The following LCA5 variants were observed in gnomAD, a reference collection of about 807,000 sequenced individuals.
LCA5 encodes lebercilin LCA5.
In LCA5, 37 loss-of-function variants were observed where a neutral mutation model predicts 53.0. The observed-to-expected ratio is 0.70, with a 90% CI of 0.54 to 0.92. The LOEUF is 0.92. Ranked by LOEUF, LCA5 falls within the 40% of genes least tolerant of loss-of-function variation. The pLI is 0.00. For missense variants in LCA5, 806 were observed against 790.5 expected (o/e 1.02, Z -0.23); for synonymous variants, 303 against 282.9 (o/e 1.07, Z -0.71).
At position 79,504,709 on chromosome 6, in the gene LCA5, A is replaced by C. The variant is rs141421452; in HGVS notation, c.720+8503T>G. On this transcript the variant is annotated intron_variant, in intron 3 of 7. Coordinates refer to ENST00000369846, the MANE Select transcript of LCA5 (RefSeq NM_001122769.3). ...CAGCTTTAGGCTAAACTTAAATTTA[A>C]CAGTAATAAGGAAAGGGTTCATCAT... Among the ~76,000 whole-genome samples, 177 of 152,310 alleles carry C rather than the reference A, an allele frequency of 1.2e-3. 1 individual carries two copies. The highest frequency in any genetic ancestry group is 3.9e-3 in the African/African-American group (163 of 41,574).
chr6:79,513,540 T>A lies in LCA5; in HGVS notation c.392A>T (p.Lys131Ile). The A allele has an allele frequency of 6.2e-7, 1 of 1,613,968 alleles. No homozygotes were observed. Among genetic ancestry groups the A allele is most frequent in the Non-Finnish European group, 8.5e-7 (1 of 1,179,894 alleles). ...ELQVKLAELLKENKSLKRLQY... is the reference protein window; with the variant it reads ...ELQVKLAELLIENKSLKRLQY... ...AAGCCTTTTCAAAGATTTATTTTCT[T>A]TTAGCAGCTCAGCTAACTTGACCTG... The change falls in exon 3 of 8, where the codon AAA (lysine) becomes ATA (isoleucine). Residue 131 changes from lysine (K) to isoleucine (I), a missense_variant. Lys to Ile is a moderately radical substitution (Grantham distance 102). Transcript: ENST00000369846.
intron 7 of LCA5, 98 bp downstream of exon 7, chr6:79,488,986 C>A (rs1769756300): frequency 7.3e-7 from 1 of 1,362,240 alleles, no homozygotes; most frequent in Non-Finnish European, 1.0e-6. Flanking sequence ...TCTACCTAAG[C>A]AATTCACAGT....
intron 1 of LCA5, among the ~76,000 whole-genome samples, chr6:79,536,026 GA>G (rs1440665697): frequency 6.6e-6 from 1 of 152,090 alleles, no homozygotes; most frequent in Non-Finnish European, 1.5e-5. Flanking sequence ...CACAAAAGAA[GA>G]AAAATCTCTT....
At position 79,487,615 on chromosome 6, in the gene LCA5, A is replaced by G; in HGVS notation, c.1483T>C (p.Phe495Leu). Residue 495 changes from phenylalanine to leucine, a missense_variant, in exon 8 of 8, where the codon TTT (phenylalanine) becomes CTT (leucine). Coordinates refer to ENST00000369846, the MANE Select transcript of LCA5 (RefSeq NM_001122769.3). ...TCTGGGGAGTGTAGTTTTGATTCAA[A>G]ATCAGGTAACAATGGCAAAACAGGG... ...KYPVLPLLPD[F>L]ESKLHSPERS... The G allele has an allele frequency of 1.2e-6, 2 of 1,614,064 alleles. No individual in the cohort carries two copies. Among genetic ancestry groups the G allele is most frequent in the Non-Finnish European group, 8.5e-7 (1 of 1,179,954 alleles).
chr6:79,524,146 A>G (rs994227474), intron 1 of LCA5, among the ~76,000 whole-genome samples: 4 of 152,138 alleles, frequency 2.6e-5, no homozygotes, highest in South Asian at 2.1e-4. Flanking sequence ...TCTTCCTCCT[A>G]AAGACATTTT....
At position 79,513,257 on chromosome 6, in the gene LCA5, T is replaced by C. The variant is rs764283007; in HGVS notation, c.675A>G (p.Leu225=). Reference sequence around the variant, plus strand: ...CATCTAACTTTAACTCTGCTGAAACTAGTTTCTTTGCCAAATCATCTCGTT... The same window carrying C: ...CATCTAACTTTAACTCTGCTGAAACCAGTTTCTTTGCCAAATCATCTCGTT... ...LPERDDLAKK[L]VSAELKLDDT... The change falls in exon 3 of 8, where the codon CTA becomes CTG. Residue 225 remains leucine (L), a synonymous_variant. Coordinates refer to ENST00000369846, the MANE Select transcript of LCA5 (RefSeq NM_001122769.3). The C allele has an allele frequency of 1.4e-5, 23 of 1,613,622 alleles. No homozygotes were observed. Among genetic ancestry groups the C allele is most frequent in the Admixed American group, 5.0e-5 (3 of 59,982 alleles).
chr6:79,503,975 A>G (rs915269574), intron 3 of LCA5, among the ~76,000 whole-genome samples: 16 of 152,240 alleles, frequency 1.1e-4, no homozygotes, highest in Non-Finnish European at 1.9e-4. Context: ...CAATGTTTCT[A>G]TATTAAAGAT....
chr6:79,486,459 A>G lies in LCA5; in HGVS notation c.*545T>C, dbSNP rs1252098376. 1 of 152,520 alleles carries G rather than the reference A, an allele frequency of 6.6e-6. No individual in the cohort carries two copies. Among genetic ancestry groups the G allele is most frequent in the Non-Finnish European group, 1.5e-5 (1 of 68,300 alleles). The allele number at this position is 152,520 out of a possible 1,614,324, so 9.4% of individuals were successfully genotyped here. A position where few individuals can be genotyped will look rare whatever the true frequency, so the allele number is the denominator to read the frequency against. On this transcript the variant is annotated 3_prime_UTR_variant, in exon 8 of 8. Coordinates refer to ENST00000369846, the MANE Select transcript of LCA5 (RefSeq NM_001122769.3). ...GTGGGTACTTTCAGAGGAATGGGAAATCCCAATGTTGTGACTGCTATCACT... is the reference window on the plus strand; with the variant it reads ...GTGGGTACTTTCAGAGGAATGGGAAGTCCCAATGTTGTGACTGCTATCACT...
intron 3 of LCA5, among the ~76,000 whole-genome samples, chr6:79,508,641 C>T (rs1770331723): frequency 6.7e-6 from 1 of 150,318 alleles, no homozygotes; most frequent in Non-Finnish European, 1.5e-5. Context: ...AAAAAAAAAA[C>T]ACCACCACAT....
chr6:79,486,867 A>C lies in LCA5; in HGVS notation c.*137T>G. ...GTGTATGTATGATCTACTTCTTTTTAACTGCATTGTATTTAGCTATTAAAA... is the reference window on the plus strand; with the variant it reads ...GTGTATGTATGATCTACTTCTTTTTCACTGCATTGTATTTAGCTATTAAAA... On this transcript the variant is annotated 3_prime_UTR_variant, in exon 8 of 8. Coordinates refer to ENST00000369846, the MANE Select transcript of LCA5 (RefSeq NM_001122769.3). 1 of 719,374 alleles carries C rather than the reference A, an allele frequency of 1.4e-6. No homozygotes were observed. Among genetic ancestry groups the C allele is most frequent in the Non-Finnish European group, 2.2e-6 (1 of 452,156 alleles). 44.6% of individuals were successfully genotyped at this position (719,374 alleles called of 1,614,324 possible).
intron 3 of LCA5, among the ~76,000 whole-genome samples, chr6:79,499,714 C>CT (rs1267976672): frequency 2.0e-5 from 3 of 148,840 alleles, no homozygotes; most frequent in Non-Finnish European, 4.4e-5. Context: ...TATTATTATA[C>CT]TTTAAGTTTT....
chr6:79,513,581 A>T lies in LCA5; in HGVS notation c.351T>A (p.Asn117Lys). The T allele has an allele frequency of 6.2e-7, 1 of 1,613,936 alleles. No individual in the cohort carries two copies. The highest frequency in any genetic ancestry group is 8.5e-7 in the Non-Finnish European group (1 of 1,179,880). ...ACTTGACCTGGAGTTCAGATACTTC[A>T]TTCTGCAACTCATTGATTTTTAGCA... Reference protein sequence around the residue: ...ARLLKINELQNEVSELQVKLA... With the variant: ...ARLLKINELQKEVSELQVKLA... The change falls in exon 3 of 8, where the codon AAT (asparagine) becomes AAA (lysine). Residue 117 changes from asparagine to lysine, a missense_variant. By Grantham distance (94) the Asn-to-Lys change is moderately conservative. Coordinates refer to ENST00000369846, the MANE Select transcript of LCA5 (RefSeq NM_001122769.3).
chr6:79,520,364 T>TA (rs1766591967), intron 1 of LCA5, among the ~76,000 whole-genome samples: 3 of 152,104 alleles, frequency 2.0e-5, no homozygotes, highest in African/African-American at 7.2e-5. Context: ...ACACATTCAT[T>TA]AAAAAAATAC....
In LCA5 at chr6:79,518,764, G is replaced by T. The variant is rs572731652; in HGVS notation, c.131C>A (p.Ala44Glu). ...TTTAGGATTTTTTCTCCTAACACTT[G>T]CAGGTGAAGAACTGACCAGCGATGA... Reference protein sequence around the residue: ...GRSSLVSSSPASVRRKNPKRQ... With the variant: ...GRSSLVSSSPESVRRKNPKRQ... The change falls in exon 2 of 8, where the codon GCA becomes GAA. Residue 44 changes from alanine (A) to glutamate (E), a missense_variant. Coordinates refer to ENST00000369846, the MANE Select transcript of LCA5 (RefSeq NM_001122769.3). The T allele has an allele frequency of 3.7e-6, 6 of 1,614,090 alleles. No individual in the cohort carries two copies. The highest frequency in any genetic ancestry group is 5.1e-6 in the Non-Finnish European group (6 of 1,179,982).
At chr6:79,515,421 A>G (rs932407876) in intron 2 of LCA5, among the ~76,000 whole-genome samples, 2 of 152,160 alleles carry the variant, frequency 1.3e-5, no homozygotes, top group Non-Finnish European at 2.9e-5. Context: ...CCTAAAAAAT[A>G]TAAGTATATG....
chr6:79,511,381 T>G (rs898669960), intron 3 of LCA5, among the ~76,000 whole-genome samples: 3 of 152,190 alleles, frequency 2.0e-5, no homozygotes, highest in Non-Finnish European at 4.4e-5. Flanking sequence ...GGTTAGATAC[T>G]GTGTGATTCC....
intron 1 of LCA5, among the ~76,000 whole-genome samples, chr6:79,520,907 A>G: frequency 6.6e-6 from 1 of 152,178 alleles, no homozygotes; most frequent in Non-Finnish European, 1.5e-5. Flanking sequence ...ATATTTAAGT[A>G]GAAGGAGAAA....
chr6:79,486,780 A>G lies in LCA5; in HGVS notation c.*224T>C. ...TAAAATCTATTTCATTTTTCAAGAC[A>G]TATTTTTATTTTTGGTTTCATTCAA... is the stretch of plus-strand genomic sequence containing the variant. On this transcript the variant is annotated 3_prime_UTR_variant, in exon 8 of 8. Coordinates refer to ENST00000369846, the MANE Select transcript of LCA5 (RefSeq NM_001122769.3). 1 of 461,866 alleles carries G rather than the reference A, an allele frequency of 2.2e-6. No homozygotes were observed. Among genetic ancestry groups the G allele is most frequent in the Non-Finnish European group, 3.8e-6 (1 of 264,756 alleles). The allele number at this position is 461,866 out of a possible 1,614,324, so 28.6% of individuals were successfully genotyped here. A position where few individuals can be genotyped will look rare whatever the true frequency, so the allele number is the denominator to read the frequency against.
chr6:79,518,627 G>C, intron 2 of LCA5, 78 bp downstream of exon 2: 1 of 1,282,378 alleles, frequency 7.8e-7, no homozygotes. Context: ...TAATAAAAGA[G>C]TATCATGCAC....
Sources: gnomAD v4.1 joint callset for allele counts (sites outside exome capture counted in the v4.1 genomes callset) on GRCh38, gnomAD v4.1.1 for gene constraint, MANE v1.5 for transcripts, NCBI Gene and HGNC (gene_info 2026-07-23, HGNC 2026-07-21) for gene names.